The following SPOCD1 variants were observed in gnomAD, a reference collection of about 807,000 sequenced individuals.
The protein encoded by SPOCD1 is SPOC domain-containing protein 1.
A neutral mutation model predicts 92.2 loss-of-function variants in SPOCD1; 64 were observed. The ratio of observed to expected loss-of-function variants is 0.69; its 90% CI spans 0.57 to 0.86. SPOCD1 has a LOEUF of 0.86. SPOCD1 is among the 40% of genes least tolerant of loss of function. The probability of loss-of-function intolerance (pLI) is 0.00; values close to 1 mark genes in which losing one functional copy is unlikely to be tolerated. For missense variants in SPOCD1, 1,360 were observed against 1,543.1 expected, an observed-to-expected ratio of 0.88 and a Z score of 1.99; for synonymous variants, 578 against 619.3, an observed-to-expected ratio of 0.93 and a Z score of 0.99.
At position 31,792,285 on chromosome 1, in the gene SPOCD1, C is replaced by G. The variant is rs760563260; in HGVS notation, c.2892G>C (p.Met964Ile). The G allele has an allele frequency of 1.9e-6, 3 of 1,613,664 alleles. No homozygotes were observed. The highest frequency in any genetic ancestry group is 1.1e-5 in the South Asian group (1 of 91,002). ...QRHGLASVEH[M>I]GMVLLPLPAF... ...CAGGCAGGGGCAGCAGGACCATCCC[C>G]ATGTGCTCCACAGAGGCCAGCCCGT... The change falls in exon 15 of 16, where the codon ATG becomes ATC. Residue 964 changes from methionine (M) to isoleucine (I), a missense_variant. By Grantham distance (10) the Met-to-Ile change is conservative (BLOSUM62 1). Transcript: ENST00000360482.
chr1:31,799,283 G>A, intron 7 of SPOCD1, 118 bp downstream of exon 7: 1 of 866,398 alleles, frequency 1.2e-6, no homozygotes, highest in Non-Finnish European at 1.8e-6. Flanking sequence ...ACCTGGCACA[G>A]CTACCAAATG....
Position 31,793,411 on chromosome 1 carries a change from A to G in SPOCD1, c.2552T>C (p.Leu851Pro), listed in dbSNP as rs1647757410. 1 of 1,591,892 alleles carries G rather than the reference A, an allele frequency of 6.3e-7. No individual in the cohort carries two copies. The change falls in exon 13 of 16, where the codon CTC becomes CCC. Residue 851 changes from leucine to proline, a missense_variant. Physicochemically the swap from Leu to Pro is moderately conservative, Grantham distance 98. Around this residue, in one of 3 missense-constraint regions of SPOCD1, gnomAD observed 614 missense variants for 757.8 expected, o/e 0.81. Transcript: ENST00000360482. ...EPQDRVPPSGLHVPAAPTKAL... is the reference protein window; with the variant it reads ...EPQDRVPPSGPHVPAAPTKAL... ...CTTTGTGGGTGCAGCAGGCACATGG[A>G]GCCCAGATGGAGGGACCCTAGAGGG...
chr1:31,802,123 G>A (rs1570177388), intron 2 of SPOCD1, among the ~76,000 whole-genome samples: 1 of 152,096 alleles, frequency 6.6e-6, no homozygotes, highest in Admixed American at 6.5e-5. Context: ...AGCCAGGATC[G>A]TGCCACTGCA....
intron 10 of SPOCD1, chr1:31,796,063 A>C: frequency 9.6e-6 from 2 of 208,704 alleles, no homozygotes; most frequent in Non-Finnish European, 2.0e-5. Context: ...AGGATGGAGC[A>C]GATCCTCAGC....
In SPOCD1 at chr1:31,815,122, C is replaced by T. The variant is rs200005060; in HGVS notation, c.212G>A (p.Arg71Gln). 2.1e-5 allele frequency: 34 copies of T among 1,609,472 alleles called. No homozygotes were observed. The Middle Eastern group carries it at 5.0e-4, about 23-fold the overall frequency. The change falls in exon 2 of 16, where the codon CGG becomes CAG. Residue 71 changes from arginine to glutamine, a missense_variant. This residue lies in a region of SPOCD1 where 140 missense variants were observed against 183.8 expected (regional missense o/e 0.76). Transcript: ENST00000360482. ...CCGGACCTCAGCAGCACCTGCAGCCCGGGAGCTGCCACCTCGAAGGGCCTC... is the reference window on the plus strand; with the variant it reads ...CCGGACCTCAGCAGCACCTGCAGCCTGGGAGCTGCCACCTCGAAGGGCCTC... ...RKEALRGGSS[R>Q]AAGAAEVRPG...
intron 2 of SPOCD1, among the ~76,000 whole-genome samples, chr1:31,806,067 A>G (rs1258460834): frequency 6.6e-6 from 1 of 151,970 alleles, no homozygotes; most frequent in Non-Finnish European, 1.5e-5. Context: ...AGCTATAACA[A>G]CTCTAAACTT....
chr1:31,792,368 C>T lies in SPOCD1; in HGVS notation c.2809G>A (p.Ala937Thr). ...AGGCGGCAGTTCTGGGTGTCCCGGG[C>T]CCCATGTGGGCACAGTCTGACCACG... Reference protein sequence around the residue: ...VCVVRLCPHGARDTQNCRLLY... With the variant: ...VCVVRLCPHGTRDTQNCRLLY... The change falls in exon 15 of 16, where the codon GCC becomes ACC. Residue 937 changes from alanine to threonine, a missense_variant. Coordinates refer to ENST00000360482, the MANE Select transcript of SPOCD1 (RefSeq NM_144569.7). 6.2e-7 allele frequency: 1 copy of T among 1,613,882 alleles called. No homozygotes were observed. Among genetic ancestry groups the T allele is most frequent in the East Asian group, 2.2e-5 (1 of 44,878 alleles).
Position 31,791,381 on chromosome 1 carries a change from G to A in SPOCD1, c.2963-90C>T, listed in dbSNP as rs557351581. Reference sequence around the variant, plus strand: ...TTCTTCACAGTGAGATGGGGCCCATGAGATGCTGGGAAAAGTAAGTAGGAA... The same window carrying A: ...TTCTTCACAGTGAGATGGGGCCCATAAGATGCTGGGAAAAGTAAGTAGGAA... On this transcript the variant is annotated intron_variant, in intron 15 of 15. Coordinates refer to ENST00000360482, the MANE Select transcript of SPOCD1 (RefSeq NM_144569.7). 3.0e-5 allele frequency: 32 copies of A among 1,069,842 alleles called. No homozygotes were observed. In the African/African-American group the frequency reaches 4.7e-4, roughly 16 times the overall value. 66.3% of individuals were successfully genotyped at this position (1,069,842 alleles called of 1,614,324 possible).
intron 15 of SPOCD1, 113 bp downstream of exon 15, chr1:31,792,102 G>A: frequency 8.2e-7 from 1 of 1,212,316 alleles, no homozygotes; most frequent in South Asian, 1.5e-5. Context: ...CTGGCTGGGT[G>A]AGGAGTTCCC....
intron 2 of SPOCD1, among the ~76,000 whole-genome samples, chr1:31,804,888 C>T (rs762888541): frequency 5.9e-5 from 9 of 151,704 alleles, no homozygotes; most frequent in East Asian, 1.9e-4. Context: ...ATTCCAAGAT[C>T]CCTATATCAT....
In SPOCD1 at chr1:31,791,267, G is replaced by C; in HGVS notation, c.2987C>G (p.Pro996Arg). Residue 996 changes from proline to arginine, a missense_variant, in exon 16 of 16, where the codon CCT becomes CGT. By Grantham distance (103) the Pro-to-Arg change is moderately radical. Transcript: ENST00000360482. ...GACCTCCAGACCTGGGGAAAGGAGAGGGGAGACAGGAAGAGCCCAAAGGCC... is the reference window on the plus strand; with the variant it reads ...GACCTCCAGACCTGGGGAAAGGAGACGGGAGACAGGAAGAGCCCAAAGGCC... ...GPGLWALPVS[P>R]LLSPGLEVTH... is the part of the protein sequence containing the mutation. The C allele has an allele frequency of 2.6e-6, 4 of 1,547,336 alleles. No homozygotes were observed. The highest frequency in any genetic ancestry group is 1.4e-5 in the African/African-American group (1 of 72,838).
chr1:31,814,052 C>G lies in SPOCD1; in HGVS notation c.1282G>C (p.Gly428Arg). The G allele has an allele frequency of 1.9e-6, 3 of 1,613,686 alleles. No individual in the cohort carries two copies. The highest frequency in any genetic ancestry group is 2.5e-6 in the Non-Finnish European group (3 of 1,179,784). ...RSKGTKNLKK[G>R]PVPCAQDRGT... ...CGGTCTTGGGCACAGGGCACTGGAC[C>G]TTTCTTCAGGTTCTTAGTGCCCTTG... Residue 428 changes from glycine to arginine, a missense_variant, in exon 2 of 16, where the codon GGT becomes CGT. Physicochemically the swap from Gly to Arg is moderately radical, Grantham distance 125. Transcript: ENST00000360482. This position sits in a 1 kb window ranked among gnomAD's most constrained non-coding sequence, Gnocchi z 4.2.
At chr1:31,807,001 A>G (rs1288499295) in intron 2 of SPOCD1, among the ~76,000 whole-genome samples, 1 of 152,192 alleles carries the variant, frequency 6.6e-6, no homozygotes, top group African/African-American at 2.4e-5. Flanking sequence ...ATCAGACTGG[A>G]TAACTCAGAT....
At chr1:31,800,868 A>G (rs1208035446) in intron 3 of SPOCD1, among the ~76,000 whole-genome samples, 1 of 152,152 alleles carries the variant, frequency 6.6e-6, no homozygotes, top group Non-Finnish European at 1.5e-5. Flanking sequence ...CTCCATCCGC[A>G]TCCTTTCTCA....
At chr1:31,794,262 G>C (rs766739441) in intron 10 of SPOCD1, 27 bp from the exon 11 acceptor site, 4 of 1,579,448 alleles carry the variant, frequency 2.5e-6, no homozygotes, top group Non-Finnish European at 3.5e-6. Context: ...AGAGGGGCAG[G>C]CTGAAAACGT....
chr1:31,802,565 T>C (rs1271513936), intron 2 of SPOCD1, among the ~76,000 whole-genome samples: 2 of 152,008 alleles, frequency 1.3e-5, no homozygotes, highest in Non-Finnish European at 2.9e-5. Context: ...AAAGAAAAAA[T>C]AGGTTACAGA....
At chr1:31,800,214 G>A (rs1648351514) in intron 4 of SPOCD1, 73 bp from the exon 5 acceptor site, 1 of 1,521,364 alleles carries the variant, frequency 6.6e-7, no homozygotes, top group Non-Finnish European at 8.8e-7. Context: ...AGATGTACTG[G>A]AGGCCCAGCC....
Position 31,798,182 on chromosome 1 carries a change from C to T in SPOCD1, c.2145+25G>A. The T allele has an allele frequency of 1.3e-6, 2 of 1,575,422 alleles. No individual in the cohort carries two copies. The highest frequency in any genetic ancestry group is 1.7e-6 in the Non-Finnish European group (2 of 1,144,710). On this transcript the variant is annotated intron_variant, in intron 9 of 15. Coordinates refer to ENST00000360482, the MANE Select transcript of SPOCD1 (RefSeq NM_144569.7). The surrounding 1 kb of genome is among the most constrained non-coding windows in gnomAD (Gnocchi z 4.1). ...CACTCTGCCCCTACATCCCCTCACCCATCCCGACTGGGCTCAGCACTCACC... is the reference window on the plus strand; with the variant it reads ...CACTCTGCCCCTACATCCCCTCACCTATCCCGACTGGGCTCAGCACTCACC...
chr1:31,790,775 C>T lies in SPOCD1; in HGVS notation c.3479G>A (p.Ser1160Asn), dbSNP rs1445130100. 9 of 1,549,284 alleles carry T rather than the reference C, an allele frequency of 5.8e-6. No homozygotes were observed. Among genetic ancestry groups the T allele is most frequent in the Non-Finnish European group, 7.9e-6 (9 of 1,145,808 alleles). ...LRHLESLATM[S>N]HQLQALLCPQ... ...GCACAGTAAGGCTTGGAGCTGGTGA[C>T]TCATGGTCGCCAGGGATTCGAGGTG... is the stretch of plus-strand genomic sequence containing the variant. Residue 1160 changes from serine (S) to asparagine (N), a missense_variant, in exon 16 of 16, where the codon AGT becomes AAT. By Grantham distance (46) the Ser-to-Asn change is conservative. Coordinates refer to ENST00000360482, the MANE Select transcript of SPOCD1 (RefSeq NM_144569.7).
Sources: gnomAD v4.1 joint callset for allele counts (sites outside exome capture counted in the v4.1 genomes callset) on GRCh38, gnomAD v4.1.1 for gene constraint, gnomAD v4.1.1 regional missense constraint, Gnocchi (gnomAD v3.1) non-coding constraint, MANE v1.5 for transcripts, NCBI Gene and HGNC (gene_info 2026-07-23, HGNC 2026-07-21) for gene names.